The following PMS2 variants were observed in gnomAD, a reference collection of about 807,000 sequenced individuals.
PMS2 encodes PMS1 homolog 2, mismatch repair system component, also known as mismatch repair endonuclease PMS2.
Under a neutral mutation model 90.0 loss-of-function variants are expected in PMS2, and 69 were observed. The ratio of observed to expected loss-of-function variants is 0.77; its 90% CI spans 0.63 to 0.94. The LOEUF (loss-of-function observed/expected upper bound fraction) is 0.94. PMS2 is among the 40% of genes least tolerant of loss of function. The pLI, the probability that PMS2 is intolerant of heterozygous loss-of-function variation, is 0.00. For missense variants in PMS2, 966 were observed against 1,040.2 expected, an observed-to-expected ratio of 0.93 and a Z score of 0.98; for synonymous variants, 332 against 375.1, an observed-to-expected ratio of 0.89 and a Z score of 1.33.
chr7:6,001,331 G>C (rs962092118), intron 5 of PMS2, among the ~76,000 whole-genome samples: 1 of 151,740 alleles, frequency 6.6e-6, no homozygotes, highest in Non-Finnish European at 1.5e-5. Flanking sequence ...AAATTCATAA[G>C]GGTTCTAATA....
In PMS2 at chr7:5,987,460, G is replaced by A. The variant is rs763954903; in HGVS notation, c.1305C>T (p.His435=). The A allele has an allele frequency of 6.8e-6, 11 of 1,614,020 alleles. No homozygotes were observed. Among genetic ancestry groups the A allele is most frequent in the Middle Eastern group, 1.6e-4 (1 of 6,084 alleles). ...TTCTTGGTTCTGGAGTCTTTGGGCT[G>A]TGAGGCTTGTTCTCTGTTGTGTGAC... is the stretch of plus-strand genomic sequence containing the variant. The part of the protein sequence containing the change: ...SLRHTTENKP[H]SPKTPEPRRS... Residue 435 remains histidine, a synonymous_variant, in exon 11 of 15, where the codon CAC becomes CAT. Coordinates refer to ENST00000265849, the MANE Select transcript of PMS2 (RefSeq NM_000535.7).
intron 12 of PMS2, among the ~76,000 whole-genome samples, chr7:5,979,903 T>C (rs1318171741): frequency 1.0e-5 from 1 of 100,394 alleles, no homozygotes; most frequent in Non-Finnish European, 2.1e-5. Flanking sequence ...AGCCAACAGA[T>C]TACCGGGGAA....
intron 8 of PMS2, among the ~76,000 whole-genome samples, chr7:5,992,280 G>A (rs1783846636): frequency 6.7e-6 from 1 of 149,870 alleles, no homozygotes; most frequent in Admixed American, 6.7e-5. Flanking sequence ...TGATCCTCCT[G>A]TGTCAGCCTG....
At chr7:6,006,143 T>G in intron 1 of PMS2, 112 bp from the exon 2 acceptor site, 1 of 1,188,060 alleles carries the variant, frequency 8.4e-7, no homozygotes, top group Non-Finnish European at 1.2e-6. Context: ...GTCTAATCTA[T>G]TCATTTATTA....
chr7:5,994,789 A>G (rs1324027394), intron 8 of PMS2, among the ~76,000 whole-genome samples: 1 of 151,926 alleles, frequency 6.6e-6, no homozygotes, highest in Non-Finnish European at 1.5e-5. Context: ...AAAAAAAAAG[A>G]AAGAAAAGAA....
intron 9 of PMS2, among the ~76,000 whole-genome samples, chr7:5,991,201 A>G (rs1257069034): frequency 6.6e-6 from 1 of 152,138 alleles, no homozygotes; most frequent in East Asian, 1.9e-4. Context: ...ATAACATGGA[A>G]AAGAAAACAT....
At chr7:6,007,079 G>A (rs575886732) in intron 1 of PMS2, among the ~76,000 whole-genome samples, 2 of 141,934 alleles carry the variant, frequency 1.4e-5, no homozygotes, top group African/African-American at 5.3e-5. Flanking sequence ...CCTTCATCAA[G>A]TCCCCTACAT....
chr7:5,989,873 G>A lies in PMS2; in HGVS notation c.1071C>T (p.Thr357=), dbSNP rs1244381746. The change falls in exon 10 of 15, where the codon ACC becomes ACT. Residue 357 remains threonine, a synonymous_variant. Coordinates refer to ENST00000265849, the MANE Select transcript of PMS2 (RefSeq NM_000535.7). ...CACTATCAAACATTCCTATCAAAGA[G>A]GTCTTTAAAACTGCCAACAAAAGCT... The part of the protein sequence containing the change: ...EEKLLLAVLK[T]SLIGMFDSDV... 3 of 1,612,072 alleles carry A rather than the reference G, an allele frequency of 1.9e-6. No homozygotes were observed. Among genetic ancestry groups the A allele is most frequent in the East Asian group, 2.2e-5 (1 of 44,784 alleles).
At chr7:6,003,930 G>T (rs1785404290) in intron 3 of PMS2, 42 bp downstream of exon 3, 2 of 1,379,408 alleles carry the variant, frequency 1.4e-6, no homozygotes, top group East Asian at 2.3e-5. Context: ...TGAGACATGT[G>T]ACCCAATTAT....
intron 8 of PMS2, among the ~76,000 whole-genome samples, chr7:5,994,141 G>A (rs942804822): frequency 3.3e-5 from 5 of 151,920 alleles, no homozygotes; most frequent in East Asian, 1.9e-4. Context: ...CCAGCACTTC[G>A]GGAGGCCAAG....
Position 5,986,712 on chromosome 7 carries a change from T to C in PMS2, c.2006+47A>G. 2.1e-6 allele frequency: 3 copies of C among 1,396,310 alleles called. No individual in the cohort carries two copies. The South Asian group carries it at 4.1e-5, about 19-fold the overall frequency. The allele number at this position is 1,396,310 out of a possible 1,614,324, so 86.5% of individuals were successfully genotyped here. On this transcript the variant is annotated intron_variant, in intron 11 of 14. Transcript: ENST00000265849. ...GTCTCAAAAAAATAAAAAATAAAAATAAAAATTTTAGATAAAAAGAGAAAA... is the reference window on the plus strand; with the variant it reads ...GTCTCAAAAAAATAAAAAATAAAAACAAAAATTTTAGATAAAAAGAGAAAA...
chr7:5,983,834 T>C (rs1184834314), intron 11 of PMS2, among the ~76,000 whole-genome samples: 1 of 151,524 alleles, frequency 6.6e-6, no homozygotes, highest in Non-Finnish European at 1.5e-5. Flanking sequence ...TTATTTTTAG[T>C]AGAGACAAGG....
chr7:6,003,178 C>G (rs1375881147), intron 4 of PMS2: 2 of 157,696 alleles, frequency 1.3e-5, no homozygotes, highest in Non-Finnish European at 2.8e-5. Context: ...CCTATAGTAC[C>G]AGCTCCTCAG....
intron 14 of PMS2, among the ~76,000 whole-genome samples, chr7:5,977,057 T>C (rs1467724584): frequency 1.2e-4 from 17 of 141,276 alleles, no homozygotes; most frequent in African/African-American, 4.3e-4. Context: ...GAATTCTGGG[T>C]TTTTTTTGTT....
At chr7:5,986,664 C>T in intron 11 of PMS2, 95 bp downstream of exon 11, 1 of 984,138 alleles carries the variant, frequency 1.0e-6, no homozygotes, top group Non-Finnish European at 1.5e-6. Context: ...TGCATTCCAG[C>T]CTGCGCAACA....
Position 5,972,307 on chromosome 7 carries a change from TG to T in PMS2, c.*1091del, listed in dbSNP as rs1048212595. On this transcript the variant is annotated 3_prime_UTR_variant, in exon 15 of 15. Transcript: ENST00000265849. ...AGCCGCCCACAGTCTGGAGAAGGGG[TG>T]GGGGCAGCAGGGGGAGCCACATCTG... 7.2e-6 allele frequency among the ~76,000 whole-genome samples: 1 copy of T among 138,042 alleles called. No individual in the cohort carries two copies. The highest frequency in any genetic ancestry group is 2.7e-5 in the African/African-American group (1 of 36,700). The allele number at this position is 138,042 out of a possible 152,430, so 90.6% of individuals were successfully genotyped here.
chr7:5,988,459 G>A (rs1414751014), intron 10 of PMS2, among the ~76,000 whole-genome samples: 1 of 152,130 alleles, frequency 6.6e-6, no homozygotes, highest in Non-Finnish European at 1.5e-5. Flanking sequence ...TAGGGAGAAT[G>A]AGAATGAGGC....
In PMS2 at chr7:6,002,587, G is replaced by C. The variant is rs876658423; in HGVS notation, c.403C>G (p.Leu135Val). Residue 135 changes from leucine (L) to valine (V), a missense_variant, in exon 5 of 15, where the codon CTG (leucine) becomes GTG (valine). Leu to Val is a conservative substitution (Grantham distance 32). This residue lies in a region of PMS2 where 871 missense variants were observed against 802.4 expected (regional missense o/e 1.09). Coordinates refer to ENST00000265849, the MANE Select transcript of PMS2 (RefSeq NM_000535.7). Reference sequence around the variant, plus strand: ...ATTTTCCCATTGTGATCAAACATCAGTCGAGTTCCAACCTTCGCCGATGCG... The same window carrying C: ...ATTTTCCCATTGTGATCAAACATCACTCGAGTTCCAACCTTCGCCGATGCG... The part of the protein sequence containing the change: ...CHASAKVGTR[L>V]MFDHNGKIIQ... 5 of 1,611,944 alleles carry C rather than the reference G, an allele frequency of 3.1e-6. No individual in the cohort carries two copies. The highest frequency in any genetic ancestry group is 4.2e-6 in the Non-Finnish European group (5 of 1,179,778).
chr7:6,000,860 G>A (rs1159913695), intron 5 of PMS2, among the ~76,000 whole-genome samples: 2 of 151,944 alleles, frequency 1.3e-5, no homozygotes, highest in Non-Finnish European at 2.9e-5. Context: ...GCGTGGTGGC[G>A]CACACCTATA....
Sources: allele counts gnomAD v4.1 joint callset (sites outside exome capture counted in the v4.1 genomes callset), GRCh38; gene constraint gnomAD v4.1.1; regional missense constraint gnomAD v4.1.1; transcripts MANE v1.5; gene names NCBI Gene and HGNC (gene_info 2026-07-23, HGNC 2026-07-21).